The following IGSF5 variants were observed in gnomAD, a reference collection of about 807,000 sequenced individuals.
IGSF5 encodes the protein immunoglobulin superfamily 5 like.
A neutral mutation model predicts 39.4 loss-of-function variants in IGSF5; 41 were observed. The ratio of observed to expected loss-of-function variants is 1.04; its 90% CI spans 0.81 to 1.35. IGSF5 has a LOEUF of 1.35. IGSF5 is among the 40% of genes most tolerant of loss of function. The pLI, the probability that IGSF5 is intolerant of heterozygous loss-of-function variation, is 0.00. For synonymous variants in IGSF5, 183 were observed against 175.3 expected (o/e 1.04, Z -0.34); for missense variants, 487 against 494.6 (o/e 0.98, Z 0.15).
chr21:39,745,913 C>T (rs889623204), intron 1 of IGSF5, among the ~76,000 whole-genome samples: 6 of 151,348 alleles, frequency 4.0e-5, no homozygotes, highest in South Asian at 2.1e-4. Flanking sequence ...CAAAATGTTA[C>T]GGGGGGTGGG....
intron 8 of IGSF5, among the ~76,000 whole-genome samples, chr21:39,795,958 G>C (rs1007448173): frequency 3.9e-5 from 6 of 152,090 alleles, no homozygotes. Context: ...CTCATCATGG[G>C]GGGACTTTAG....
chr21:39,773,807 A>G (rs2080126642), intron 4 of IGSF5, among the ~76,000 whole-genome samples: 1 of 152,256 alleles, frequency 6.6e-6, no homozygotes, highest in Non-Finnish European at 1.5e-5. Context: ...AAAAAAATCC[A>G]TTAGCACCAA....
At chr21:39,747,811 A>C (rs1026124202) in intron 2 of IGSF5, among the ~76,000 whole-genome samples, 1 of 152,280 alleles carries the variant, frequency 6.6e-6, no homozygotes, top group Admixed American at 6.5e-5. Flanking sequence ...CAGTTGAGCT[A>C]GGGTGACAAC....
chr21:39,744,502 C>A (rs921668819), upstream of IGSF5, among the ~76,000 whole-genome samples: 13 of 152,326 alleles, frequency 8.5e-5, no homozygotes, highest in South Asian at 2.7e-3. Flanking sequence ...GTCTCCGTAT[C>A]AATTACTGAA....
chr21:39,761,179 G>C (rs1434766073), intron 2 of IGSF5, among the ~76,000 whole-genome samples: 2 of 152,154 alleles, frequency 1.3e-5, no homozygotes, highest in Admixed American at 1.3e-4. Context: ...TCAATAAATG[G>C]TGCTGGGATA....
At chr21:39,747,916 CAG>C (rs893153587) in intron 2 of IGSF5, among the ~76,000 whole-genome samples, 5 of 148,184 alleles carry the variant, frequency 3.4e-5, no homozygotes, top group African/African-American at 1.3e-4. Context: ...GCCAGAGAAA[CAG>C]AGTGCACATG....
At position 39,746,217 on chromosome 21, in the gene IGSF5, A is replaced by G; in HGVS notation, c.19A>G (p.Ser7Gly). The part of the protein sequence containing the change: MGQKER[S>G]TADTLPDLEE... ...GCAATGGGCGCCTCACTGGATCAGGAGCACAGCAGATACTCTGCCGGATCT... is the reference window on the plus strand; with the variant it reads ...GCAATGGGCGCCTCACTGGATCAGGGGCACAGCAGATACTCTGCCGGATCT... Residue 7 changes from serine (S) to glycine (G), a missense_variant and splice_region_variant, in exon 2 of 9, where the codon AGC (serine) becomes GGC (glycine). By Grantham distance (56) the Ser-to-Gly change is moderately conservative. Coordinates refer to ENST00000380588, the MANE Select transcript of IGSF5 (RefSeq NM_001080444.2). 1.4e-6 allele frequency: 1 copy of G among 701,906 alleles called. No individual in the cohort carries two copies. Among genetic ancestry groups the G allele is most frequent in the East Asian group, 2.7e-5 (1 of 37,278 alleles). 43.5% of individuals were successfully genotyped at this position (701,906 alleles called of 1,614,324 possible). A position where few individuals can be genotyped will look rare whatever the true frequency, so the allele number is the denominator to read the frequency against.
At chr21:39,731,388 C>T in the IGSF5 span, among the ~76,000 whole-genome samples, 1 of 152,130 alleles carries the variant, frequency 6.6e-6, no homozygotes, top group Non-Finnish European at 1.5e-5. Context: ...TGGTATAAGT[C>T]CTGAGGATGC....
At chr21:39,713,239 G>C in the IGSF5 span, among the ~76,000 whole-genome samples, 1 of 152,134 alleles carries the variant, frequency 6.6e-6, no homozygotes, top group East Asian at 1.9e-4. Context: ...AGAGTGTCTC[G>C]GACACCTGCC....
the IGSF5 span, among the ~76,000 whole-genome samples, chr21:39,735,924 G>A: frequency 3.3e-5 from 5 of 152,026 alleles, no homozygotes; most frequent in East Asian, 1.9e-4. Flanking sequence ...CACAATCTTC[G>A]CCCATTTCAA....
At chr21:39,758,399 C>A (rs530281584) in intron 2 of IGSF5, among the ~76,000 whole-genome samples, 71 of 152,286 alleles carry the variant, frequency 4.7e-4, no homozygotes, top group Non-Finnish European at 7.4e-4. Context: ...AGGTTCCTTC[C>A]CACAAGTTGT....
intron 4 of IGSF5, among the ~76,000 whole-genome samples, chr21:39,776,211 T>TA (rs2080139789): frequency 6.6e-6 from 1 of 151,142 alleles, no homozygotes. Context: ...TGTATAGATA[T>TA]AAAATATATA....
chr21:39,720,019 A>C, the IGSF5 span, among the ~76,000 whole-genome samples: 4 of 152,264 alleles, frequency 2.6e-5, no homozygotes, highest in Non-Finnish European at 5.9e-5. Context: ...ATAGTTTTAT[A>C]CATACAGAAA....
chr21:39,771,422 T>C (rs1044720932), intron 4 of IGSF5, among the ~76,000 whole-genome samples: 5 of 152,232 alleles, frequency 3.3e-5, no homozygotes, highest in Non-Finnish European at 2.9e-5. Flanking sequence ...AAGTTTTTTT[T>C]CTCCTATTAC....
chr21:39,764,684 T>C (rs2080077184), intron 2 of IGSF5, among the ~76,000 whole-genome samples: 1 of 152,190 alleles, frequency 6.6e-6, no homozygotes. Flanking sequence ...AGGGAGGAGC[T>C]GCAGTTTTTG....
upstream of IGSF5, among the ~76,000 whole-genome samples, chr21:39,740,676 C>T (rs373877840): frequency 2.6e-5 from 4 of 152,176 alleles, no homozygotes; most frequent in Admixed American, 2.0e-4. Flanking sequence ...GTCAAGGGAA[C>T]CTCTAAATGG....
At chr21:39,737,990 G>A in the IGSF5 span, among the ~76,000 whole-genome samples, 20 of 152,322 alleles carry the variant, frequency 1.3e-4, no homozygotes, top group South Asian at 3.9e-3. Flanking sequence ...ACGCAGAAGG[G>A]TGATGGGAGT....
intron 4 of IGSF5, among the ~76,000 whole-genome samples, chr21:39,777,715 T>A (rs1398358457): frequency 1.3e-5 from 2 of 152,166 alleles, no homozygotes; most frequent in East Asian, 3.9e-4. Flanking sequence ...CATCTTACTA[T>A]GGGGAGAAAG....
At chr21:39,717,483 T>G in the IGSF5 span, among the ~76,000 whole-genome samples, 1 of 152,224 alleles carries the variant, frequency 6.6e-6, no homozygotes, top group Non-Finnish European at 1.5e-5. Flanking sequence ...GGTTTTACAT[T>G]TAAGTCTTCA....
Sources: allele counts gnomAD v4.1 joint callset (sites outside exome capture counted in the v4.1 genomes callset), GRCh38; gene constraint gnomAD v4.1.1; transcripts MANE v1.5; gene names NCBI Gene and HGNC (gene_info 2026-07-23, HGNC 2026-07-21).